The following ADAMTS18 variants were observed in gnomAD, a reference collection of about 807,000 sequenced individuals.
ADAMTS18 encodes A disintegrin and metalloproteinase with thrombospondin motifs 18.
In ADAMTS18, 157 loss-of-function variants were observed where a neutral mutation model predicts 165.9. That is an observed-to-expected ratio of 0.95 (90% CI 0.83 to 1.08). The LOEUF (loss-of-function observed/expected upper bound fraction) is 1.08, where lower values mean the gene tolerates loss of function less well. Among genes scored for constraint, ADAMTS18 ranks in the 50% least tolerant of loss-of-function variants. The pLI, the probability that ADAMTS18 is intolerant of heterozygous loss-of-function variation, is 0.00. For missense variants in ADAMTS18, 2,040 were observed against 1,534.0 expected, an observed-to-expected ratio of 1.33 and a Z score of -5.51; for synonymous variants, 782 against 578.2, an observed-to-expected ratio of 1.35 and a Z score of -5.06.
At chr16:77,314,560 C>A (rs1186755558) in intron 16 of ADAMTS18, among the ~76,000 whole-genome samples, 1 of 146,050 alleles carries the variant, frequency 6.8e-6, no homozygotes, top group African/African-American at 2.5e-5. Context: ...TGCAGTGAGC[C>A]AAGATTGTGC....
Position 77,315,650 on chromosome 16 carries a change from G to A in ADAMTS18, c.2532+4199C>T, listed in dbSNP as rs145872499. On this transcript the variant is annotated intron_variant, in intron 16 of 22. Transcript: ENST00000282849. ...AGGTGCATGCTCCTCTTTATTGGTGGTGTCAACCAAGGCTCAACATTTCTT... is the reference window on the plus strand; with the variant it reads ...AGGTGCATGCTCCTCTTTATTGGTGATGTCAACCAAGGCTCAACATTTCTT... Among the ~76,000 whole-genome samples, 742 of 152,308 alleles carry A rather than the reference G, an allele frequency of 4.9e-3. 16 individuals carry two copies. Among genetic ancestry groups the A allele is most frequent in the Admixed American group, 0.033 (506 of 15,298 alleles).
At chr16:77,378,502 G>A (rs1277064379) in intron 3 of ADAMTS18, among the ~76,000 whole-genome samples, 3 of 152,074 alleles carry the variant, frequency 2.0e-5, no homozygotes, top group African/African-American at 7.2e-5. Context: ...ATCACTTGAT[G>A]TCAGGAGTTT....
At chr16:77,434,529 C>A (rs369879446) in intron 1 of ADAMTS18, 24 bp from the exon 2 acceptor site, 3 of 1,542,980 alleles carry the variant, frequency 1.9e-6, no homozygotes, top group Non-Finnish European at 2.6e-6. Flanking sequence ...GGTGACATCG[C>A]GCGTGAGGGG....
chr16:77,295,627 G>C (rs977146964), intron 18 of ADAMTS18, among the ~76,000 whole-genome samples: 5 of 152,206 alleles, frequency 3.3e-5, no homozygotes, highest in African/African-American at 1.2e-4. Flanking sequence ...GAGAGAGAAA[G>C]AGAGGGAGGT....
chr16:77,351,572 A>G (rs1041338583), intron 10 of ADAMTS18, among the ~76,000 whole-genome samples: 6 of 152,236 alleles, frequency 3.9e-5, no homozygotes, highest in African/African-American at 7.2e-5. Context: ...TTTGCTGCAT[A>G]GTATGTAATA....
At chr16:77,415,050 A>C (rs2057512293) in intron 3 of ADAMTS18, among the ~76,000 whole-genome samples, 1 of 152,236 alleles carries the variant, frequency 6.6e-6, no homozygotes, top group Non-Finnish European at 1.5e-5. Context: ...TAGTGAATCA[A>C]CAAGACCAGT....
chr16:77,362,376 G>A, intron 6 of ADAMTS18, 112 bp from the exon 7 acceptor site: 1 of 1,200,844 alleles, frequency 8.3e-7, no homozygotes, highest in Non-Finnish European at 1.2e-6. Context: ...AAAAAGATCA[G>A]TAAACACTTG....
At chr16:77,318,312 A>G (rs2055923854) in intron 16 of ADAMTS18, among the ~76,000 whole-genome samples, 1 of 152,182 alleles carries the variant, frequency 6.6e-6, no homozygotes, top group Non-Finnish European at 1.5e-5. Flanking sequence ...CAACCATTTC[A>G]CAATGAGAAA....
intron 3 of ADAMTS18, among the ~76,000 whole-genome samples, chr16:77,412,882 T>C (rs1212096195): frequency 6.6e-6 from 1 of 151,960 alleles, no homozygotes; most frequent in Non-Finnish European, 1.5e-5. Flanking sequence ...CCAAACCATA[T>C]CACAGGGTCT....
chr16:77,356,148 A>T, intron 8 of ADAMTS18, 71 bp from the exon 9 acceptor site: 1 of 1,596,652 alleles, frequency 6.3e-7, no homozygotes, highest in Non-Finnish European at 8.6e-7. Flanking sequence ...CTGAGGAAGA[A>T]TAAAGATGTA....
intron 12 of ADAMTS18, among the ~76,000 whole-genome samples, chr16:77,332,622 T>C (rs2056208152): frequency 6.6e-6 from 1 of 152,206 alleles, no homozygotes; most frequent in African/African-American, 2.4e-5. Flanking sequence ...AAATCTGGGC[T>C]CTGTCTACAT....
At chr16:77,426,637 G>A (rs542042073) in intron 3 of ADAMTS18, among the ~76,000 whole-genome samples, 98 of 152,272 alleles carry the variant, frequency 6.4e-4, no homozygotes, top group African/African-American at 2.3e-3. Context: ...TAAGCTCTAC[G>A]ACCTGGATCT....
chr16:77,414,410 G>T (rs2057503518), intron 3 of ADAMTS18, among the ~76,000 whole-genome samples: 2 of 152,076 alleles, frequency 1.3e-5, no homozygotes, highest in South Asian at 2.1e-4. Flanking sequence ...AGACTCATGT[G>T]AAAAATAAAA....
At chr16:77,302,809 C>A (rs1408581544) in intron 16 of ADAMTS18, among the ~76,000 whole-genome samples, 1 of 152,124 alleles carries the variant, frequency 6.6e-6, no homozygotes, top group Non-Finnish European at 1.5e-5. Context: ...GAGCCTAAGC[C>A]ATACATGGCC....
At chr16:77,313,322 A>G (rs951150798) in intron 16 of ADAMTS18, among the ~76,000 whole-genome samples, 2 of 152,102 alleles carry the variant, frequency 1.3e-5, no homozygotes, top group Non-Finnish European at 1.5e-5. Context: ...GAAGGATAGC[A>G]TTAGGAGATA....
At chr16:77,310,464 C>T (rs1423326822) in intron 16 of ADAMTS18, among the ~76,000 whole-genome samples, 1 of 152,160 alleles carries the variant, frequency 6.6e-6, no homozygotes, top group Non-Finnish European at 1.5e-5. Context: ...TCCAAAGTCA[C>T]ATAGTTTGTA....
At chr16:77,403,109 T>C (rs1228185686) in intron 3 of ADAMTS18, among the ~76,000 whole-genome samples, 1 of 152,218 alleles carries the variant, frequency 6.6e-6, no homozygotes, top group African/African-American at 2.4e-5. Flanking sequence ...TATAACGATG[T>C]GACAGATAAT....
intron 2 of ADAMTS18, among the ~76,000 whole-genome samples, chr16:77,431,942 T>C (rs79718181): frequency 0.011 from 1,653 of 152,328 alleles, 35 homozygotes; most frequent in African/African-American, 0.038. Context: ...CCTTTTATAA[T>C]ATTGGCCACA....
At chr16:77,334,806 AGTATACAG>A (rs1567492124) in intron 12 of ADAMTS18, among the ~76,000 whole-genome samples, 135 of 123,306 alleles carry the variant, frequency 1.1e-3, no homozygotes, top group Non-Finnish European at 1.9e-3. Flanking sequence ...TATATACTAT[AGTATACAG>A]TATATATACT....
Sources: allele counts gnomAD v4.1 joint callset (sites outside exome capture counted in the v4.1 genomes callset), GRCh38; gene constraint gnomAD v4.1.1; transcripts MANE v1.5; gene names NCBI Gene and HGNC (gene_info 2026-07-23, HGNC 2026-07-21).